The following XNDC1N variants were observed in gnomAD, a reference collection of about 807,000 sequenced individuals.
The protein encoded by XNDC1N is XRCC1 N-terminal domain containing 1, N-terminal like, also known as protein XNDC1N.
the XNDC1N span, among the ~76,000 whole-genome samples, chr11:71,907,486 A>G: frequency 1.3e-5 from 2 of 151,496 alleles, no homozygotes; most frequent in African/African-American, 4.8e-5. Flanking sequence ...CCTGGCTCTT[A>G]GGATCCGCGG....
chr11:71,902,983 A>G, the XNDC1N span, among the ~76,000 whole-genome samples: 1 of 152,234 alleles, frequency 6.6e-6, no homozygotes, highest in African/African-American at 2.4e-5. Flanking sequence ...GACGTGAATA[A>G]CACAGCAATC....
the XNDC1N span, among the ~76,000 whole-genome samples, chr11:71,891,517 C>A: frequency 4.6e-5 from 7 of 151,926 alleles, no homozygotes; most frequent in East Asian, 9.6e-4. Flanking sequence ...TTGTACACAC[C>A]CTGCGACATT....
chr11:71,904,131 T>C, the XNDC1N span: 57 of 486,014 alleles, frequency 1.2e-4, no homozygotes, highest in Non-Finnish European at 2.1e-4. Context: ...AATCTCAATA[T>C]CTTCTTATCT....
At chr11:71,904,107 C>G in the XNDC1N span, 1 of 510,252 alleles carries the variant, frequency 2.0e-6, no homozygotes, top group African/African-American at 1.9e-5. Flanking sequence ...GGCGGCCGCA[C>G]AGCAGCGCAG....
chr11:71,910,697 G>C, the XNDC1N span, among the ~76,000 whole-genome samples: 1 of 152,212 alleles, frequency 6.6e-6, no homozygotes, highest in Non-Finnish European at 1.5e-5. Flanking sequence ...CTATCCAACA[G>C]GGGTCGGAAC....
chr11:71,869,827 G>A, the XNDC1N span, among the ~76,000 whole-genome samples: 2 of 152,156 alleles, frequency 1.3e-5, no homozygotes, highest in Non-Finnish European at 2.9e-5. Flanking sequence ...TTTTTGAGTT[G>A]CCAGAGTTCT....
the XNDC1N span, chr11:71,928,174 CTAAG>C: frequency 1.4e-4 from 66 of 461,768 alleles, no homozygotes; most frequent in East Asian, 2.6e-3. Flanking sequence ...GCATGACAGC[CTAAG>C]TAAGACGCGG....
At chr11:71,890,168 G>C in the XNDC1N span, among the ~76,000 whole-genome samples, 1 of 152,054 alleles carries the variant, frequency 6.6e-6, no homozygotes, top group African/African-American at 2.4e-5. Flanking sequence ...TAAATTTGAG[G>C]GAATGTTATC....
At chr11:71,896,048 C>A in the XNDC1N span, among the ~76,000 whole-genome samples, 3 of 152,302 alleles carry the variant, frequency 2.0e-5, no homozygotes, top group East Asian at 5.8e-4. Flanking sequence ...GAGGCCGAGT[C>A]ACACAGATCA....
chr11:71,908,325 C>A, the XNDC1N span, among the ~76,000 whole-genome samples: 2 of 151,664 alleles, frequency 1.3e-5, no homozygotes, highest in South Asian at 4.2e-4. Flanking sequence ...CATCATTAAT[C>A]ATTAATATAA....
chr11:71,917,013 T>G, the XNDC1N span: 1 of 178,248 alleles, frequency 5.6e-6, no homozygotes, highest in Non-Finnish European at 1.2e-5. Context: ...ATTATTGTTA[T>G]TATTATTATT....
At chr11:71,885,937 G>T in the XNDC1N span, among the ~76,000 whole-genome samples, 27 of 141,170 alleles carry the variant, frequency 1.9e-4, no homozygotes, top group African/African-American at 8.0e-4. Flanking sequence ...TATCGGTATT[G>T]ATTTTTAAAA....
chr11:71,895,376 C>T, the XNDC1N span, among the ~76,000 whole-genome samples: 1 of 151,720 alleles, frequency 6.6e-6, no homozygotes, highest in African/African-American at 2.4e-5. Context: ...ATGGCACGGT[C>T]TCGGCTCACT....
chr11:71,916,294 T>C, the XNDC1N span: 1 of 699,440 alleles, frequency 1.4e-6, no homozygotes, highest in Non-Finnish European at 2.6e-6. Context: ...GGAATGGAAA[T>C]GCATAAATGG....
chr11:71,927,340 G>A, the XNDC1N span, among the ~76,000 whole-genome samples: 1 of 152,002 alleles, frequency 6.6e-6, no homozygotes, highest in Admixed American at 6.6e-5. Context: ...TCGAGACCAT[G>A]GCCATGACCC....
chr11:71,914,652 A>G, the XNDC1N span, among the ~76,000 whole-genome samples: 1 of 151,302 alleles, frequency 6.6e-6, no homozygotes. Context: ...ATGCCATTGC[A>G]CTCCAGTCCT....
At chr11:71,903,876 T>C in the XNDC1N span, 1 of 375,674 alleles carries the variant, frequency 2.7e-6, no homozygotes, top group Non-Finnish European at 5.3e-6. Flanking sequence ...ATTCTGAGGG[T>C]TTCATCATCA....
the XNDC1N span, among the ~76,000 whole-genome samples, chr11:71,871,578 A>G: frequency 6.6e-6 from 1 of 152,246 alleles, no homozygotes; most frequent in African/African-American, 2.4e-5. Flanking sequence ...GTGAATTACC[A>G]TGATCTAATT....
chr11:71,872,896 A>G, the XNDC1N span, among the ~76,000 whole-genome samples: 2 of 152,174 alleles, frequency 1.3e-5, no homozygotes, highest in African/African-American at 4.8e-5. Context: ...CATTTCATTC[A>G]CATATTCAGG....
Sources: gnomAD v4.1 joint callset for allele counts (sites outside exome capture counted in the v4.1 genomes callset) on GRCh38, gnomAD v4.1.1 for gene constraint, MANE v1.5 for transcripts, NCBI Gene and HGNC (gene_info 2026-07-23, HGNC 2026-07-21) for gene names.